Variants in CSMD2 observed in about 807,000 individuals in gnomAD.
CSMD2 encodes CUB and Sushi multiple domains 2.
Under a neutral mutation model 398.5 loss-of-function variants are expected in CSMD2, and 130 were observed. That is an observed-to-expected ratio of 0.33 (90% confidence interval 0.28 to 0.38). The LOEUF (loss-of-function observed/expected upper bound fraction) is 0.38, where lower values mean the gene tolerates loss of function less well. Ranked by LOEUF, CSMD2 falls within the 10% of genes least tolerant of loss-of-function variation. The probability of loss-of-function intolerance (pLI) is 1.00; values close to 1 mark genes in which losing one functional copy is unlikely to be tolerated. For synonymous variants in CSMD2, 1,828 were observed against 1,908.5 expected, an observed-to-expected ratio of 0.96 and a Z score of 1.10; for missense variants, 3,829 against 4,764.9, an observed-to-expected ratio of 0.80 and a Z score of 5.78.
chr1:34,021,116 CA>C (rs1193989491), intron 3 of CSMD2, among the ~76,000 whole-genome samples: 2 of 152,134 alleles, frequency 1.3e-5, no homozygotes, highest in Admixed American at 6.5e-5. Context: ...AAGAATAATC[CA>C]AAACAGTGGT....
At position 33,528,346 on chromosome 1, in the gene CSMD2, T is replaced by C. The variant is rs868635061; in HGVS notation, c.10172-1088A>G. Among the ~76,000 whole-genome samples the C allele has an allele frequency of 5.9e-5, 9 of 152,248 alleles. No homozygotes were observed. The South Asian group carries it at 6.2e-4, about 11-fold the overall frequency. ...GTAAGTATTAATGTCTTTTCTTCTT[T>C]TGCAGAGAAACAATAGAAAATCTGC... On this transcript the variant is annotated intron_variant, in intron 64 of 70. Coordinates refer to ENST00000373381, the MANE Select transcript of CSMD2 (RefSeq NM_001281956.2).
intron 29 of CSMD2, among the ~76,000 whole-genome samples, chr1:33,645,303 C>T (rs1643356728): frequency 6.6e-6 from 1 of 151,178 alleles, no homozygotes; most frequent in Non-Finnish European, 1.5e-5. Context: ...ATCTATCATT[C>T]CCAGAGCATC....
At chr1:33,582,795 G>C (rs573706769) in intron 47 of CSMD2, among the ~76,000 whole-genome samples, 1 of 152,166 alleles carries the variant, frequency 6.6e-6, no homozygotes, top group African/African-American at 2.4e-5. Flanking sequence ...AACAAAGTAG[G>C]AGCCTCAATT....
chr1:33,813,667 C>T (rs1054005132), intron 9 of CSMD2, among the ~76,000 whole-genome samples: 1 of 152,112 alleles, frequency 6.6e-6, no homozygotes, highest in Non-Finnish European at 1.5e-5. Context: ...ACCACCTGGA[C>T]CCACAGCCAG....
At chr1:33,557,076 C>G (rs1297473497) in intron 55 of CSMD2, among the ~76,000 whole-genome samples, 2 of 152,234 alleles carry the variant, frequency 1.3e-5, no homozygotes, top group Admixed American at 1.3e-4. Context: ...AATTCTTTTC[C>G]TAACAATAAT....
At chr1:33,609,586 C>T (rs1242867258) in intron 41 of CSMD2, among the ~76,000 whole-genome samples, 3 of 152,060 alleles carry the variant, frequency 2.0e-5, no homozygotes, top group East Asian at 3.9e-4. Flanking sequence ...GAGCTTTGGC[C>T]TTACTTGTAA....
chr1:33,698,507 T>C (rs571466629), intron 24 of CSMD2, among the ~76,000 whole-genome samples: 1 of 152,300 alleles, frequency 6.6e-6, no homozygotes, highest in Admixed American at 6.5e-5. Flanking sequence ...GTGGTCCCAC[T>C]TGCTAAATGT....
intron 5 of CSMD2, among the ~76,000 whole-genome samples, chr1:33,913,374 G>A (rs1248055922): frequency 6.6e-6 from 1 of 152,176 alleles, no homozygotes; most frequent in Non-Finnish European, 1.5e-5. Flanking sequence ...TTCTGCTGGT[G>A]AGATGCCACT....
chr1:33,820,691 G>T (rs902779643), intron 7 of CSMD2, 135 bp from the exon 8 acceptor site: 33 of 647,250 alleles, frequency 5.1e-5, no homozygotes, highest in Non-Finnish European at 7.5e-5. Flanking sequence ...CTTTGTTGGG[G>T]CTGTGTGGGG....
chr1:34,025,521 CAG>C (rs1649534627), intron 3 of CSMD2, among the ~76,000 whole-genome samples: 1 of 152,152 alleles, frequency 6.6e-6, no homozygotes, highest in Non-Finnish European at 1.5e-5. Flanking sequence ...GGGGTGGCCA[CAG>C]GGCATCTGTA....
intron 15 of CSMD2, among the ~76,000 whole-genome samples, chr1:33,730,402 G>C (rs80277992): frequency 1.3e-5 from 2 of 152,062 alleles, no homozygotes; most frequent in Admixed American, 6.5e-5. Context: ...TATATATTTA[G>C]CTTTGGAACT....
intron 2 of CSMD2, among the ~76,000 whole-genome samples, chr1:34,051,414 G>T (rs986404809): frequency 9.2e-5 from 14 of 152,012 alleles, no homozygotes; most frequent in Non-Finnish European, 1.8e-4. Flanking sequence ...TCTTTATTTT[G>T]TTATGAGTGT....
intron 13 of CSMD2, among the ~76,000 whole-genome samples, chr1:33,749,183 C>CG (rs1557835307): frequency 1.4e-5 from 2 of 147,956 alleles, no homozygotes; most frequent in African/African-American, 2.5e-5. Flanking sequence ...CTGCAGGCTC[C>CG]ACCCCCCCAG....
rs1404762690 is a variant in CSMD2, at chr1:33,724,507, G to A, written c.2884+9C>T. The A allele has an allele frequency of 6.2e-7, 1 of 1,612,116 alleles. No homozygotes were observed. Among genetic ancestry groups the A allele is most frequent in the Non-Finnish European group, 8.5e-7 (1 of 1,178,928 alleles). ...TGCTACTTTAGCGCCCCCTCATGGT[G>A]TCCCTCACCTTCACAACTGGGCAGG... On this transcript the variant is annotated intron_variant, in intron 18 of 70. Coordinates refer to ENST00000373381, the MANE Select transcript of CSMD2 (RefSeq NM_001281956.2).
chr1:34,146,293 C>T (rs1639757584), intron 1 of CSMD2, among the ~76,000 whole-genome samples: 1 of 152,138 alleles, frequency 6.6e-6, no homozygotes, highest in Non-Finnish European at 1.5e-5. Context: ...AGGTCTTTAC[C>T]CTACTCATCA....
intron 19 of CSMD2, among the ~76,000 whole-genome samples, chr1:33,723,769 G>C (rs1421654477): frequency 3.3e-5 from 5 of 152,206 alleles, no homozygotes; most frequent in African/African-American, 9.6e-5. Context: ...AACATTTTCA[G>C]AGACACCTAA....
intron 1 of CSMD2, among the ~76,000 whole-genome samples, chr1:34,109,768 G>A (rs180802203): frequency 1.6e-3 from 248 of 152,124 alleles, no homozygotes; most frequent in African/African-American, 5.7e-3. Flanking sequence ...AGCCAGGCAC[G>A]GTGGCTCATG....
At chr1:34,097,975 G>T (rs1659534295) in intron 1 of CSMD2, among the ~76,000 whole-genome samples, 2 of 132,754 alleles carry the variant, frequency 1.5e-5, no homozygotes, top group African/African-American at 6.0e-5. Context: ...TATGTTTATT[G>T]TGGCATTATT....
At chr1:33,552,344 G>A (rs1557523452) in intron 55 of CSMD2, among the ~76,000 whole-genome samples, 1 of 152,172 alleles carries the variant, frequency 6.6e-6, no homozygotes, top group Non-Finnish European at 1.5e-5. Flanking sequence ...AAAACAGTTT[G>A]GCAGTTCCTC....
Sources: allele counts gnomAD v4.1 joint callset (sites outside exome capture counted in the v4.1 genomes callset), GRCh38; gene constraint gnomAD v4.1.1; transcripts MANE v1.5; gene names NCBI Gene and HGNC (gene_info 2026-07-23, HGNC 2026-07-21).